NRG3: variants seen among roughly 807,000 people sequenced by gnomAD.
NRG3 encodes neuregulin 3.
In NRG3, 31 loss-of-function variants were observed where a neutral mutation model predicts 66.9. The ratio of observed to expected loss-of-function variants is 0.46; its 90% confidence interval spans 0.35 to 0.63. NRG3 has a LOEUF of 0.63. NRG3 is among the 20% of genes least tolerant of loss of function. The pLI, the probability that NRG3 is intolerant of heterozygous loss-of-function variation, is 0.00. For synonymous variants in NRG3, 393 were observed against 359.4 expected, an observed-to-expected ratio of 1.09 and a Z score of -1.06; for missense variants, 910 against 878.9, an observed-to-expected ratio of 1.04 and a Z score of -0.45.
chr10:82,104,082 CTGTT>C (rs1460503762), intron 1 of NRG3, among the ~76,000 whole-genome samples: 1 of 151,832 alleles, frequency 6.6e-6, no homozygotes, highest in African/African-American at 2.4e-5. Flanking sequence ...TTCCCTCATA[CTGTT>C]TGTTCTTCAA....
intron 2 of NRG3, among the ~76,000 whole-genome samples, chr10:82,406,581 C>T (rs1322846661): frequency 6.6e-6 from 1 of 152,094 alleles, no homozygotes; most frequent in African/African-American, 2.4e-5. Context: ...TGCTTGAAGC[C>T]CAGCAATAAC....
intron 2 of NRG3, among the ~76,000 whole-genome samples, chr10:82,408,081 G>GAAAGAAA (rs1473177307): frequency 1.5e-5 from 1 of 67,030 alleles, no homozygotes. Flanking sequence ...GAGAGAGAGA[G>GAAAGAAA]AGACAGAAAG....
chr10:82,511,569 G>A (rs187762875), intron 2 of NRG3, among the ~76,000 whole-genome samples: 2 of 152,162 alleles, frequency 1.3e-5, no homozygotes, highest in South Asian at 2.1e-4. Context: ...ACAGAGATGT[G>A]GTGGGGAAGA....
chr10:82,189,356 T>C (rs749223557), intron 1 of NRG3, among the ~76,000 whole-genome samples: 2 of 152,178 alleles, frequency 1.3e-5, no homozygotes, highest in Non-Finnish European at 2.9e-5. Context: ...TGTGTTGTTA[T>C]ATATATTAAG....
intron 1 of NRG3, among the ~76,000 whole-genome samples, chr10:81,950,299 A>G (rs1849233604): frequency 6.6e-6 from 1 of 152,232 alleles, no homozygotes; most frequent in Admixed American, 6.5e-5. Flanking sequence ...TATAGCTCAC[A>G]TAAAAAGGAA....
intron 4 of NRG3, among the ~76,000 whole-genome samples, chr10:82,946,203 T>A (rs1478086732): frequency 6.7e-6 from 1 of 149,378 alleles, no homozygotes; most frequent in Non-Finnish European, 1.5e-5. Context: ...GACATTTAAT[T>A]TGAGATTTAA....
chr10:82,096,606 C>T (rs1564557818), intron 1 of NRG3, among the ~76,000 whole-genome samples: 1 of 151,846 alleles, frequency 6.6e-6, no homozygotes, highest in African/African-American at 2.4e-5. Context: ...GAAACTTGAA[C>T]AAAAAATATT....
chr10:82,389,444 A>G (rs2086212674), intron 2 of NRG3, among the ~76,000 whole-genome samples: 1 of 152,166 alleles, frequency 6.6e-6, no homozygotes, highest in East Asian at 1.9e-4. Flanking sequence ...ACATTCTCAT[A>G]TCTTTATGCA....
intron 2 of NRG3, among the ~76,000 whole-genome samples, chr10:82,427,482 C>T (rs2089522806): frequency 6.6e-6 from 1 of 152,074 alleles, no homozygotes; most frequent in Non-Finnish European, 1.5e-5. Context: ...TGATGTATTA[C>T]ATCGATTAAT....
At chr10:82,793,996 C>G (rs2060695118) in intron 3 of NRG3, among the ~76,000 whole-genome samples, 1 of 152,162 alleles carries the variant, frequency 6.6e-6, no homozygotes, top group South Asian at 2.1e-4. Context: ...CTACCACTGT[C>G]TGCTTTGATT....
At chr10:82,408,243 A>G (rs2087777790) in intron 2 of NRG3, among the ~76,000 whole-genome samples, 1 of 152,176 alleles carries the variant, frequency 6.6e-6, no homozygotes, top group African/African-American at 2.4e-5. Flanking sequence ...AAGTGGTCAG[A>G]GAAGGCCTTT....
At chr10:82,975,973 C>T (rs1001367988) in intron 7 of NRG3, among the ~76,000 whole-genome samples, 1 of 152,104 alleles carries the variant, frequency 6.6e-6, no homozygotes, top group African/African-American at 2.4e-5. Context: ...CGAAAAAATC[C>T]CATCTGTTTA....
intron 3 of NRG3, among the ~76,000 whole-genome samples, chr10:82,767,306 G>A (rs965142701): frequency 3.3e-5 from 5 of 151,924 alleles, no homozygotes; most frequent in African/African-American, 9.7e-5. Context: ...CCTGGGTTGC[G>A]TACTTCATTT....
At chr10:82,155,514 C>A (rs74144178) in intron 1 of NRG3, among the ~76,000 whole-genome samples, 9,123 of 151,770 alleles carry the variant, frequency 0.06, 917 homozygotes, top group African/African-American at 0.21. Context: ...GGGCCCCAGG[C>A]TTCATTAGTT....
At chr10:82,735,623 T>G (rs2134704451) in intron 2 of NRG3, among the ~76,000 whole-genome samples, 1 of 152,294 alleles carries the variant, frequency 6.6e-6, no homozygotes, top group Admixed American at 6.5e-5. Flanking sequence ...TGGATGAAGC[T>G]AGAATCCATC....
chr10:82,432,634 G>A (rs75927958), intron 2 of NRG3, among the ~76,000 whole-genome samples: 1 of 151,900 alleles, frequency 6.6e-6, no homozygotes, highest in Non-Finnish European at 1.5e-5. Context: ...CCTCCAATAG[G>A]CCTTGTTGTG....
At chr10:81,927,124 C>A (rs1759975800) in intron 1 of NRG3, among the ~76,000 whole-genome samples, 1 of 152,118 alleles carries the variant, frequency 6.6e-6, no homozygotes, top group Non-Finnish European at 1.5e-5. Context: ...AATGGCAATT[C>A]TTCTTTTAGC....
chr10:82,968,508 A>G (rs1851414168), intron 6 of NRG3, among the ~76,000 whole-genome samples: 1 of 152,244 alleles, frequency 6.6e-6, no homozygotes, highest in Non-Finnish European at 1.5e-5. Flanking sequence ...CTATGAATAA[A>G]CAGAACAGGT....
chr10:82,625,556 T>C (rs1725117340), intron 2 of NRG3, among the ~76,000 whole-genome samples: 1 of 152,144 alleles, frequency 6.6e-6, no homozygotes, highest in African/African-American at 2.4e-5. Flanking sequence ...CCAGCTTTGC[T>C]TGGCCACTTT....
Sources: gnomAD v4.1 joint callset for allele counts (sites outside exome capture counted in the v4.1 genomes callset) on GRCh38, gnomAD v4.1.1 for gene constraint, MANE v1.5 for transcripts, NCBI Gene and HGNC (gene_info 2026-07-23, HGNC 2026-07-21) for gene names.